IGSF10: variants seen among roughly 807,000 people sequenced by gnomAD.
IGSF10 encodes the protein immunoglobulin superfamily member 10, also known as calvaria mechanical force protein 608.
A neutral mutation model predicts 128.2 loss-of-function variants in IGSF10; 126 were observed. That is an observed-to-expected ratio of 0.98 (90% CI 0.85 to 1.14). The LOEUF is 1.14. IGSF10 is among the 50% of genes most tolerant of loss of function. IGSF10 has a pLI of 0.00. For missense variants in IGSF10, 3,295 were observed against 3,149.8 expected, an observed-to-expected ratio of 1.05 and a Z score of -1.10; for synonymous variants, 1,185 against 1,146.2, an observed-to-expected ratio of 1.03 and a Z score of -0.68.
intron 1 of IGSF10, 101 bp downstream of exon 1, chr3:151,460,845 G>A (rs1417572470): frequency 1.5e-6 from 1 of 665,472 alleles, no homozygotes; most frequent in Non-Finnish European, 1.9e-6. Context: ...CCGCCCCAGC[G>A]CCCGCTTCTG....
chr3:151,536,186 T>C, the IGSF10 span, among the ~76,000 whole-genome samples: 7 of 151,984 alleles, frequency 4.6e-5, no homozygotes, highest in African/African-American at 1.5e-4. Flanking sequence ...AGGGAAAAAA[T>C]CTCATTTGTG....
the IGSF10 span, among the ~76,000 whole-genome samples, chr3:151,567,425 T>C: frequency 5.9e-5 from 9 of 152,212 alleles, no homozygotes; most frequent in Non-Finnish European, 1.0e-4. Context: ...GGTGTATAGT[T>C]GGGAACTAAC....
the IGSF10 span, among the ~76,000 whole-genome samples, chr3:151,595,268 A>G: frequency 6.6e-6 from 1 of 152,112 alleles, no homozygotes; most frequent in South Asian, 2.1e-4. Context: ...TCTTCTGGGT[A>G]TATACCCAAG....
the IGSF10 span, among the ~76,000 whole-genome samples, chr3:151,495,217 C>A: frequency 1.3e-5 from 2 of 152,250 alleles, no homozygotes; most frequent in East Asian, 3.9e-4. Flanking sequence ...CCACATCATT[C>A]CAAAGCTGCA....
rs200898424 is a variant in IGSF10 at position 151,436,846 on chromosome 3, G to A, written c.7715C>T (p.Thr2572Met). ...WEMPDHSLLS[T>M]ASKERTHGSE... ...TCCATGTGTCCTCTCTTTACTTGCCGTTGAGAGAAGGGAGTGGTCAGGCAT... is the reference window on the plus strand; with the variant it reads ...TCCATGTGTCCTCTCTTTACTTGCCATTGAGAGAAGGGAGTGGTCAGGCAT... The change falls in exon 8 of 8, where the codon ACG becomes ATG. Residue 2572 changes from threonine (T) to methionine (M), a missense_variant. Coordinates refer to ENST00000282466, the MANE Select transcript of IGSF10 (RefSeq NM_178822.5). 2.0e-4 allele frequency: 318 copies of A among 1,614,102 alleles called. No individual in the cohort carries two copies. Among genetic ancestry groups the A allele is most frequent in the Non-Finnish European group, 2.4e-4 (287 of 1,180,012 alleles).
chr3:151,584,436 A>G, the IGSF10 span, among the ~76,000 whole-genome samples: 26 of 152,162 alleles, frequency 1.7e-4, no homozygotes, highest in African/African-American at 6.0e-4. Flanking sequence ...GTTTATGCTC[A>G]CCATATTAAT....
At chr3:151,617,329 TCCTCCC>T in the IGSF10 span, among the ~76,000 whole-genome samples, 1 of 135,920 alleles carries the variant, frequency 7.4e-6, no homozygotes, top group African/African-American at 2.7e-5. Flanking sequence ...CCCCTCCTCC[TCCTCCC>T]CCTCCTCCTC....
the IGSF10 span, among the ~76,000 whole-genome samples, chr3:151,592,313 A>G: frequency 6.6e-6 from 1 of 152,010 alleles, no homozygotes; most frequent in Non-Finnish European, 1.5e-5. Context: ...CACCTTACTT[A>G]TAAGCTAAAT....
the IGSF10 span, among the ~76,000 whole-genome samples, chr3:151,606,954 T>C: frequency 6.6e-6 from 1 of 152,190 alleles, no homozygotes; most frequent in African/African-American, 2.4e-5. Flanking sequence ...AGGGACAGTA[T>C]TGTAATTGTC....
the IGSF10 span, among the ~76,000 whole-genome samples, chr3:151,607,840 G>A: frequency 8.2e-5 from 12 of 145,900 alleles, no homozygotes; most frequent in Non-Finnish European, 1.6e-4. Flanking sequence ...GAACCTGGGA[G>A]GCAGATCTTG....
At position 151,443,041 on chromosome 3, in the gene IGSF10, G is replaced by A; in HGVS notation, c.5906C>T (p.Pro1969Leu). The change falls in exon 7 of 8, where the codon CCC (proline) becomes CTC (leucine). Residue 1969 changes from proline to leucine, a missense_variant. Transcript: ENST00000282466. ...LLLNCSATGE[P>L]KPQIMWRLPS... ...TAACCTCCACATTATTTGGGGTTTG[G>A]GCTCCCCAGTGGCTGAGCAGTTCAG... is the stretch of plus-strand genomic sequence containing the variant. 3.7e-6 allele frequency: 6 copies of A among 1,614,146 alleles called. No homozygotes were observed. The highest frequency in any genetic ancestry group is 5.1e-6 in the Non-Finnish European group (6 of 1,180,034).
the IGSF10 span, among the ~76,000 whole-genome samples, chr3:151,589,008 T>C: frequency 6.6e-6 from 1 of 152,208 alleles, no homozygotes; most frequent in African/African-American, 2.4e-5. Context: ...CTTAGGAAGA[T>C]ATAATTTAGA....
the IGSF10 span, among the ~76,000 whole-genome samples, chr3:151,513,141 G>T: frequency 2.0e-5 from 3 of 152,064 alleles, no homozygotes; most frequent in African/African-American, 7.2e-5. Flanking sequence ...TGATACCAAA[G>T]CCTGGCAGAG....
At chr3:151,449,394 T>C (rs767917949) in intron 5 of IGSF10, 129 bp from the exon 6 acceptor site, 10 of 894,544 alleles carry the variant, frequency 1.1e-5, no homozygotes, top group Non-Finnish European at 1.6e-5. Context: ...GAAAGTTTTC[T>C]GATTTTTTGC....
Position 151,447,580 on chromosome 3 carries a change from C to T in IGSF10, c.2401G>A (p.Ala801Thr), listed in dbSNP as rs760939504. Residue 801 changes from alanine (A) to threonine (T), a missense_variant, in exon 6 of 8, where the codon GCT (alanine) becomes ACT (threonine). By Grantham distance (58) the Ala-to-Thr change is moderately conservative. Transcript: ENST00000282466. ...GEEDDSSGMLALHEEFMVPAT... is the reference protein window; with the variant it reads ...GEEDDSSGMLTLHEEFMVPAT... ...GGGACCATAAATTCCTCATGTAGAGCGAGCATGCCTGAGGAATCGTCTTCT... is the reference window on the plus strand; with the variant it reads ...GGGACCATAAATTCCTCATGTAGAGTGAGCATGCCTGAGGAATCGTCTTCT... 13 of 1,614,012 alleles carry T rather than the reference C, an allele frequency of 8.1e-6. No individual in the cohort carries two copies. The highest frequency in any genetic ancestry group is 3.3e-5 in the Admixed American group (2 of 60,004).
the IGSF10 span, among the ~76,000 whole-genome samples, chr3:151,609,040 T>G: frequency 6.6e-6 from 1 of 152,174 alleles, no homozygotes; most frequent in South Asian, 2.1e-4. Flanking sequence ...TAGGACATTC[T>G]GATAAACAGT....
chr3:151,514,658 A>G, the IGSF10 span, among the ~76,000 whole-genome samples: 6 of 152,330 alleles, frequency 3.9e-5, no homozygotes, highest in African/African-American at 1.4e-4. Flanking sequence ...AGCAAAAGAA[A>G]CCACCGTCAG....
the IGSF10 span, among the ~76,000 whole-genome samples, chr3:151,558,540 A>G: frequency 2.0e-5 from 3 of 151,280 alleles, no homozygotes; most frequent in African/African-American, 7.3e-5. Context: ...TTTGAGACCG[A>G]GTCTTGCTCT....
chr3:151,448,258 C>A lies in IGSF10; in HGVS notation c.1723G>T (p.Ala575Ser). Residue 575 changes from alanine to serine, a missense_variant, in exon 6 of 8, where the codon GCC becomes TCC. Coordinates refer to ENST00000282466, the MANE Select transcript of IGSF10 (RefSeq NM_178822.5). ...TGATGAATCCCATTTTCCTGATAGG[C>A]TTCGACCAAAGGTTCTACCACAGTT... is the stretch of plus-strand genomic sequence containing the variant. ...RITVVEPLVE[A>S]YQENGIHHTV... 6.2e-7 allele frequency: 1 copy of A among 1,614,202 alleles called. No homozygotes were observed. The highest frequency in any genetic ancestry group is 8.5e-7 in the Non-Finnish European group (1 of 1,180,030).
Sources: allele counts gnomAD v4.1 joint callset (sites outside exome capture counted in the v4.1 genomes callset), GRCh38; gene constraint gnomAD v4.1.1; transcripts MANE v1.5; gene names NCBI Gene and HGNC (gene_info 2026-07-23, HGNC 2026-07-21).